LRP1: variants seen among roughly 807,000 people sequenced by gnomAD.
The protein encoded by LRP1 is prolow-density lipoprotein receptor-related protein 1.
A neutral mutation model predicts 541.5 loss-of-function variants in LRP1; 51 were observed. The ratio of observed to expected loss-of-function variants is 0.09; its 90% CI spans 0.08 to 0.12. LRP1 has a LOEUF of 0.12. Among genes scored for constraint, LRP1 ranks in the 10% least tolerant of loss-of-function variants. The pLI, the probability that LRP1 is intolerant of heterozygous loss-of-function variation, is 1.00. For synonymous variants in LRP1, 2,219 were observed against 2,470.8 expected (o/e 0.90, Z 3.02); for missense variants, 3,878 against 6,376.2 (o/e 0.61, Z 13.34).
rs2036133474 is a variant in LRP1, at chr12:57,180,125, C to T, written c.5220C>T (p.Gly1740=). Residue 1740 remains glycine (G), a synonymous_variant, in exon 31 of 89, where the codon GGC becomes GGT. Transcript: ENST00000243077. ...DGSNRTLLFS[G]QKGPVGLAID... ...GCAATCGCACCCTGCTCTTCAGTGG[C>T]CAGAAGGGCCCCGTGGGTACGAGCT... is the stretch of plus-strand genomic sequence containing the variant. 1.9e-6 allele frequency: 3 copies of T among 1,613,636 alleles called. No homozygotes were observed. Among genetic ancestry groups the T allele is most frequent in the African/African-American group, 2.7e-5 (2 of 74,928 alleles).
At chr12:57,192,809 A>G (rs1382775380) in intron 44 of LRP1, 36 bp from the exon 45 acceptor site, 2 of 1,613,130 alleles carry the variant, frequency 1.2e-6, no homozygotes, top group African/African-American at 2.7e-5. Flanking sequence ...AGCAGAGAAC[A>G]CTCTCCAGCC....
intron 17 of LRP1, chr12:57,166,436 C>A: frequency 5.7e-6 from 3 of 523,722 alleles, no homozygotes; most frequent in Non-Finnish European, 1.0e-5. Context: ...TGGCGTGCAC[C>A]TCTAGTCCCA....
At position 57,184,033 on chromosome 12, in the gene LRP1, G is replaced by T. The variant is rs1353359493; in HGVS notation, c.5930-52G>T. ...GGTGCCTGGGAGCTTGGAGACACCA[G>T]GTCCACCTGTCCTCACCTAACCTCC... On this transcript the variant is annotated intron_variant, in intron 36 of 88. Transcript: ENST00000243077. This position sits in a 1 kb window ranked among gnomAD's most constrained non-coding sequence, Gnocchi z 7.8. The T allele has an allele frequency of 2.5e-6, 4 of 1,602,430 alleles. No individual in the cohort carries two copies. The highest frequency in any genetic ancestry group is 1.3e-5 in the African/African-American group (1 of 74,786).
rs2034966204 is a variant in LRP1 at position 57,128,662 on chromosome 12, G to A, written c.-303G>A. 1 of 407,922 alleles carries A rather than the reference G, an allele frequency of 2.5e-6. No homozygotes were observed. Among genetic ancestry groups the A allele is most frequent in the Non-Finnish European group, 4.3e-6 (1 of 230,664 alleles). The allele number at this position is 407,922 out of a possible 1,614,324, so 25.3% of individuals were successfully genotyped here. On this transcript the variant is annotated 5_prime_UTR_variant, in exon 1 of 89. Transcript: ENST00000243077. ...CATTTTTGCAGCCGGAGGCGGCTCC[G>A]AGATGGGGCTGTGAGCTTCGCCCGG...
At chr12:57,172,675 C>T (rs2035970372) in intron 20 of LRP1, among the ~76,000 whole-genome samples, 1 of 152,178 alleles carries the variant, frequency 6.6e-6, no homozygotes, top group South Asian at 2.1e-4. Flanking sequence ...AGCTTCTACC[C>T]AGCTTTATCT....
intron 3 of LRP1, 143 bp from the exon 4 acceptor site, chr12:57,143,536 G>A (rs971789406): frequency 1.0e-6 from 1 of 968,752 alleles, no homozygotes; most frequent in Non-Finnish European, 1.5e-6. Context: ...TATGGTAGAT[G>A]CTTCCTAAGG....
chr12:57,136,559 C>T (rs2035174421), intron 1 of LRP1, among the ~76,000 whole-genome samples: 1 of 152,212 alleles, frequency 6.6e-6, no homozygotes, highest in African/African-American at 2.4e-5. Context: ...TAGAGCTGGC[C>T]TTCAGTGTGT....
At chr12:57,130,756 C>T (rs552720968) in intron 1 of LRP1, among the ~76,000 whole-genome samples, 2 of 152,224 alleles carry the variant, frequency 1.3e-5, no homozygotes, top group East Asian at 3.9e-4. Context: ...TCCCAGGGCT[C>T]TAAAGGAGTT....
In LRP1 at chr12:57,181,249, A is replaced by G; in HGVS notation, c.5620A>G (p.Thr1874Ala). Residue 1874 changes from threonine (T) to alanine (A), a missense_variant, in exon 34 of 89, where the codon ACA becomes GCA. By Grantham distance (58) the Thr-to-Ala change is moderately conservative (BLOSUM62 0). Transcript: ENST00000243077. ...TSETTRSCMC[T>A]AGYSLRSGQQ... ...AGAGACGACCCGCTCCTGCATGTGC[A>G]CAGCCGGCTATAGCCTCCGGAGTGG... The G allele has an allele frequency of 6.2e-7, 1 of 1,613,564 alleles. No individual in the cohort carries two copies. Among genetic ancestry groups the G allele is most frequent in the East Asian group, 2.2e-5 (1 of 44,878 alleles).
chr12:57,207,238 G>A (rs2036800124), intron 76 of LRP1, among the ~76,000 whole-genome samples: 1 of 127,550 alleles, frequency 7.8e-6, no homozygotes, highest in Admixed American at 8.4e-5. Flanking sequence ...GTGAGACTCG[G>A]TCTCTAAATA....
intron 80 of LRP1, 30 bp downstream of exon 80, chr12:57,209,898 A>T: frequency 1.2e-6 from 2 of 1,609,176 alleles, no homozygotes; most frequent in Middle Eastern, 3.3e-4. Context: ...TGGGCTGGGG[A>T]AGGGAGGCCT....
chr12:57,195,244 T>C, intron 51 of LRP1, 27 bp from the exon 52 acceptor site: 1 of 1,610,102 alleles, frequency 6.2e-7, no homozygotes, highest in South Asian at 1.1e-5. Context: ...CTCCTAAGTC[T>C]CTCAGTGGCC....
chr12:57,156,087 G>A lies in LRP1; in HGVS notation c.1228-7G>A, dbSNP rs202223953. Reference sequence around the variant, plus strand: ...TCATGCTGTCCATTCTTGCCTGCCCGTCTCAGATTGAGCACCTGTACGGCC... The same window carrying A: ...TCATGCTGTCCATTCTTGCCTGCCCATCTCAGATTGAGCACCTGTACGGCC... On this transcript the variant is annotated splice_polypyrimidine_tract_variant and splice_region_variant and intron_variant, in intron 8 of 88. Coordinates refer to ENST00000243077, the MANE Select transcript of LRP1 (RefSeq NM_002332.3). This position sits in a 1 kb window ranked among gnomAD's most constrained non-coding sequence, Gnocchi z 5.2. 681 of 1,612,654 alleles carry A rather than the reference G, an allele frequency of 4.2e-4. No individual in the cohort carries two copies. The highest frequency in any genetic ancestry group is 5.5e-4 in the Non-Finnish European group (647 of 1,179,056).
intron 43 of LRP1, 54 bp from the exon 44 acceptor site, chr12:57,191,266 G>A (rs2036373084): frequency 2.6e-6 from 4 of 1,521,758 alleles, no homozygotes; most frequent in Admixed American, 3.7e-5. Context: ...GTCCGGTGGA[G>A]ACTGGGCAAG....
intron 61 of LRP1, among the ~76,000 whole-genome samples, 187 bp downstream of exon 61, chr12:57,199,587 G>A (rs2036605286): frequency 6.6e-6 from 1 of 152,196 alleles, no homozygotes; most frequent in Admixed American, 6.5e-5. Flanking sequence ...TCCAGCCCTG[G>A]AGTCTGGCAG....
chr12:57,187,685 C>T (rs958248523), intron 42 of LRP1, among the ~76,000 whole-genome samples: 1 of 152,224 alleles, frequency 6.6e-6, no homozygotes, highest in Non-Finnish European at 1.5e-5. Flanking sequence ...AAGGGAGCAT[C>T]AGGACTGTGG....
At chr12:57,149,051 A>T in intron 6 of LRP1, 1 of 628,790 alleles carries the variant, frequency 1.6e-6, no homozygotes, top group South Asian at 1.9e-5. Context: ...AAGAAGGGGC[A>T]GACAGCAGTC....
Position 57,206,144 on chromosome 12 carries a change from C to T in LRP1, c.11591-329C>T, listed in dbSNP as rs921859044. 1.3e-5 allele frequency among the ~76,000 whole-genome samples: 2 copies of T among 152,226 alleles called. No homozygotes were observed. Among genetic ancestry groups the T allele is most frequent in the Non-Finnish European group, 2.9e-5 (2 of 68,040 alleles). On this transcript the variant is annotated intron_variant, in intron 75 of 88. Transcript: ENST00000243077. The surrounding 1 kb of genome is among the most constrained non-coding windows in gnomAD (Gnocchi z 4.7). ...CACACCCCATGTGCCTATGCACCCC[C>T]GAGCATGTGCCAGGCAGTTTGTAGC...
In LRP1 at chr12:57,159,955, C is replaced by T. The variant is rs754114908; in HGVS notation, c.1929C>T (p.Ile643=). 19 of 1,614,000 alleles carry T rather than the reference C, an allele frequency of 1.2e-5. No homozygotes were observed. Among genetic ancestry groups the T allele is most frequent in the Admixed American group, 5.0e-5 (3 of 60,000 alleles). The change falls in exon 12 of 89, where the codon ATC becomes ATT. Residue 643 remains isoleucine, a synonymous_variant. Coordinates refer to ENST00000243077, the MANE Select transcript of LRP1 (RefSeq NM_002332.3). ...CTGCTCAGACCCGCAAGACTTTAAT[C>T]GAGGGCAAAATGACACACCCCAGGG... is the stretch of plus-strand genomic sequence containing the variant. ...EKAAQTRKTL[I]EGKMTHPRAI...
Sources: gnomAD v4.1 joint callset for allele counts (sites outside exome capture counted in the v4.1 genomes callset) on GRCh38, gnomAD v4.1.1 for gene constraint, Gnocchi (gnomAD v3.1) non-coding constraint, MANE v1.5 for transcripts, NCBI Gene and HGNC (gene_info 2026-07-23, HGNC 2026-07-21) for gene names.